SEMA3E: variants seen among roughly 807,000 people sequenced by gnomAD.
SEMA3E encodes semaphorin 3E, also known as semaphorin-3E.
Under a neutral mutation model 93.6 loss-of-function variants are expected in SEMA3E, and 49 were observed. The observed-to-expected ratio is 0.52, with a 90% CI of 0.42 to 0.66. The LOEUF (loss-of-function observed/expected upper bound fraction) is 0.66, where lower values mean the gene tolerates loss of function less well. Ranked by LOEUF, SEMA3E falls within the 30% of genes least tolerant of loss-of-function variation. The pLI, the probability that SEMA3E is intolerant of heterozygous loss-of-function variation, is 0.00. For synonymous variants in SEMA3E, 363 were observed against 330.7 expected (o/e 1.10, Z -1.06); for missense variants, 906 against 964.8 (o/e 0.94, Z 0.81).
At chr7:83,374,907 A>G (rs1794800121) in intron 16 of SEMA3E, among the ~76,000 whole-genome samples, 1 of 152,120 alleles carries the variant, frequency 6.6e-6, no homozygotes, top group South Asian at 2.1e-4. Flanking sequence ...TCGTATGATT[A>G]AGTAAATTAT....
intron 2 of SEMA3E, among the ~76,000 whole-genome samples, chr7:83,483,320 T>C (rs879564840): frequency 4.6e-5 from 7 of 152,184 alleles, no homozygotes; most frequent in Admixed American, 3.3e-4. Flanking sequence ...TCATTATTAA[T>C]TGGAAATGTG....
intron 2 of SEMA3E, among the ~76,000 whole-genome samples, chr7:83,472,938 A>G (rs1789933296): frequency 6.6e-6 from 1 of 152,124 alleles, no homozygotes; most frequent in South Asian, 2.1e-4. Flanking sequence ...CTTGTGAAAA[A>G]GGTGCTTTGT....
Position 83,367,454 on chromosome 7 carries a change from A to G in SEMA3E, c.*132T>C. On this transcript the variant is annotated 3_prime_UTR_variant, in exon 17 of 17. Coordinates refer to ENST00000643230, the MANE Select transcript of SEMA3E (RefSeq NM_012431.3). ...ATGAGTATGTAGAATAATTTATTAT[A>G]ACACCTTCATAGTCATTCCTGTATT... The G allele has an allele frequency of 1.1e-6, 1 of 910,256 alleles. No homozygotes were observed. The highest frequency in any genetic ancestry group is 1.4e-5 in the South Asian group (1 of 69,884). The allele number at this position is 910,256 out of a possible 1,614,324, so 56.4% of individuals were successfully genotyped here.
At chr7:83,518,317 GA>G (rs530647776) in intron 1 of SEMA3E, among the ~76,000 whole-genome samples, 1 of 146,938 alleles carries the variant, frequency 6.8e-6, no homozygotes, top group East Asian at 2.0e-4. Flanking sequence ...CATTAGCTCA[GA>G]AAAAAAAAGA....
chr7:83,461,630 C>A (rs1241624116), intron 4 of SEMA3E, among the ~76,000 whole-genome samples: 4 of 152,066 alleles, frequency 2.6e-5, no homozygotes, highest in Non-Finnish European at 5.9e-5. Flanking sequence ...TTGGCAGCAA[C>A]CCTGAGACAC....
chr7:83,464,388 G>C (rs891788457), intron 4 of SEMA3E, among the ~76,000 whole-genome samples: 5 of 148,398 alleles, frequency 3.4e-5, no homozygotes, highest in African/African-American at 1.2e-4. Flanking sequence ...CCAAAAACTT[G>C]TCATCCCTAC....
intron 1 of SEMA3E, among the ~76,000 whole-genome samples, chr7:83,492,169 G>C (rs1162663782): frequency 6.6e-6 from 1 of 151,970 alleles, no homozygotes; most frequent in African/African-American, 2.4e-5. Flanking sequence ...CTAGACTACA[G>C]AGCTACCCAA....
intron 4 of SEMA3E, among the ~76,000 whole-genome samples, chr7:83,457,656 C>T (rs113835877): frequency 6.6e-6 from 1 of 152,076 alleles, no homozygotes; most frequent in African/African-American, 2.4e-5. Context: ...TAATAGCCTC[C>T]TTAAATTTCT....
chr7:83,456,305 A>G (rs930446281), intron 4 of SEMA3E, among the ~76,000 whole-genome samples: 4 of 152,188 alleles, frequency 2.6e-5, no homozygotes, highest in African/African-American at 9.6e-5. Context: ...GAGTAAAATC[A>G]GAGGTAGACA....
chr7:83,458,169 AAT>A, intron 4 of SEMA3E, among the ~76,000 whole-genome samples: 1 of 151,652 alleles, frequency 6.6e-6, no homozygotes. Flanking sequence ...TAAAGATTCT[AAT>A]ATGACTCAAA....
chr7:83,536,372 A>G (rs768232974), intron 1 of SEMA3E, among the ~76,000 whole-genome samples: 20 of 152,104 alleles, frequency 1.3e-4, no homozygotes, highest in Admixed American at 2.6e-4. Flanking sequence ...GGCTTTGAAT[A>G]ATAACAATTT....
intron 3 of SEMA3E, among the ~76,000 whole-genome samples, chr7:83,467,150 G>T (rs1453355168): frequency 7.3e-6 from 1 of 137,280 alleles, no homozygotes; most frequent in East Asian, 2.3e-4. Context: ...CTGCAGCCTC[G>T]CATTCCCAGG....
chr7:83,395,481 G>A (rs530898675), intron 12 of SEMA3E, among the ~76,000 whole-genome samples: 9 of 152,260 alleles, frequency 5.9e-5, no homozygotes, highest in Admixed American at 5.2e-4. Flanking sequence ...ATATCAAGAT[G>A]TTCTGTGTTT....
intron 2 of SEMA3E, among the ~76,000 whole-genome samples, chr7:83,478,772 A>C (rs1790076027): frequency 6.6e-6 from 1 of 152,212 alleles, no homozygotes; most frequent in Non-Finnish European, 1.5e-5. Context: ...CTCATAACAA[A>C]AGCAGAACTA....
chr7:83,637,023 AGTGTGTGTGTGTGTGTATGT>A (rs886297119), intron 1 of SEMA3E, among the ~76,000 whole-genome samples: 2 of 148,886 alleles, frequency 1.3e-5, no homozygotes, highest in Admixed American at 1.3e-4. Context: ...TATGTGTGAG[AGTGTGTGTGTGTGTGTATGT>A]GTGTGTGTGT....
intron 1 of SEMA3E, among the ~76,000 whole-genome samples, chr7:83,511,445 C>T (rs1390079994): frequency 6.6e-6 from 1 of 152,062 alleles, no homozygotes; most frequent in Non-Finnish European, 1.5e-5. Flanking sequence ...ATGAGCTTTT[C>T]AGAAGGTCTG....
At chr7:83,643,262 A>C (rs1794037908) in intron 1 of SEMA3E, among the ~76,000 whole-genome samples, 2 of 152,024 alleles carry the variant, frequency 1.3e-5, no homozygotes, top group African/African-American at 4.8e-5. Flanking sequence ...ACAATATGAC[A>C]ACATAATTTT....
At chr7:83,376,114 T>A (rs932216620) in intron 16 of SEMA3E, among the ~76,000 whole-genome samples, 7 of 152,030 alleles carry the variant, frequency 4.6e-5, no homozygotes, top group African/African-American at 1.7e-4. Context: ...AAACAGATGG[T>A]TCAAATGAGG....
At chr7:83,529,656 A>C (rs1791243291) in intron 1 of SEMA3E, among the ~76,000 whole-genome samples, 1 of 152,298 alleles carries the variant, frequency 6.6e-6, no homozygotes, top group Non-Finnish European at 1.5e-5. Context: ...AAGATGTCAG[A>C]AAAAAGCTGA....
Sources: gnomAD v4.1 joint callset for allele counts (sites outside exome capture counted in the v4.1 genomes callset) on GRCh38, gnomAD v4.1.1 for gene constraint, MANE v1.5 for transcripts, NCBI Gene and HGNC (gene_info 2026-07-23, HGNC 2026-07-21) for gene names.